The following MORN5 variants were observed in gnomAD, a reference collection of about 807,000 sequenced individuals.
The protein encoded by MORN5 is MORN repeat containing 5, also known as MORN repeat-containing protein 5.
MORN5 carries 21 observed loss-of-function variants against 22.1 expected under a neutral mutation model. The ratio of observed to expected loss-of-function variants is 0.95; its 90% CI spans 0.67 to 1.37. The LOEUF is 1.37. Ranked by LOEUF, MORN5 falls within the 40% of genes most tolerant of loss-of-function variation. The pLI is 0.00. For synonymous variants in MORN5, 73 were observed against 74.0 expected (o/e 0.99, Z 0.07); for missense variants, 211 against 215.1 (o/e 0.98, Z 0.12).
At chr9:122,192,837 G>A (rs1172439273) in intron 4 of MORN5, among the ~76,000 whole-genome samples, 1 of 152,228 alleles carries the variant, frequency 6.6e-6, no homozygotes, top group Non-Finnish European at 1.5e-5. Flanking sequence ...CACAAGCTCT[G>A]TTTGCCCAGG....
chr9:122,169,499 C>G, intron 2 of MORN5, 146 bp from the exon 3 acceptor site: 1 of 626,004 alleles, frequency 1.6e-6, no homozygotes, highest in Non-Finnish European at 2.9e-6. Context: ...CCCATTCCCT[C>G]TTGTCGTCAC....
At chr9:122,164,780 C>T (rs1036287638) in intron 1 of MORN5, 1 of 231,406 alleles carries the variant, frequency 4.3e-6, no homozygotes, top group Non-Finnish European at 7.1e-6. Flanking sequence ...CTCCCTTCCC[C>T]CCATGTCTTG....
rs182595383 is a variant in MORN5 at position 122,176,666 on chromosome 9, T to A, written c.439+2039T>A. ...ATGCCAAGACAGGCAGATCACAAGG[T>A]CAGGAGTTCGAGACCGCCTGGCCAA... On this transcript the variant is annotated intron_variant, in intron 4 of 4. Transcript: ENST00000373764. Among the ~76,000 whole-genome samples the A allele has an allele frequency of 1.2e-3, 180 of 152,102 alleles. 1 individual carries two copies. The highest frequency in any genetic ancestry group is 2.3e-3 in the Non-Finnish European group (153 of 67,990).
intron 4 of MORN5, among the ~76,000 whole-genome samples, chr9:122,187,104 G>C (rs1829653400): frequency 6.6e-6 from 1 of 152,226 alleles, no homozygotes; most frequent in Non-Finnish European, 1.5e-5. Context: ...ACATGCATGA[G>C]GTGAGATGAC....
chr9:122,189,225 T>C (rs2118779982), intron 4 of MORN5, among the ~76,000 whole-genome samples: 1 of 152,096 alleles, frequency 6.6e-6, no homozygotes, highest in Non-Finnish European at 1.5e-5. Flanking sequence ...ATGTATGTTT[T>C]GATCAGTGTC....
intron 1 of MORN5, among the ~76,000 whole-genome samples, chr9:122,163,088 T>G (rs978633952): frequency 2.0e-5 from 3 of 152,088 alleles, no homozygotes; most frequent in Non-Finnish European, 4.4e-5. Context: ...GACCTCAATA[T>G]TATGGTTTCT....
chr9:122,199,850 A>G lies in MORN5; in HGVS notation c.440-35A>G, dbSNP rs575876463. ...CAGGCCAGGAAAGGTCCCAGCGAGC[A>G]CCAAGCATGACCAGCTCTTCCTCTT... On this transcript the variant is annotated intron_variant, in intron 4 of 4. Transcript: ENST00000373764. 3.1e-5 allele frequency: 50 copies of G among 1,613,234 alleles called. No homozygotes were observed. In the South Asian group the frequency reaches 5.4e-4, roughly 17 times the overall value.
intron 4 of MORN5, among the ~76,000 whole-genome samples, chr9:122,193,704 T>C (rs1829824943): frequency 6.6e-6 from 1 of 152,262 alleles, no homozygotes; most frequent in South Asian, 2.1e-4. Flanking sequence ...GGAAAGTACC[T>C]TGGGTCTCTG....
intron 4 of MORN5, among the ~76,000 whole-genome samples, chr9:122,194,411 A>G (rs1829839942): frequency 1.3e-5 from 2 of 152,178 alleles, no homozygotes; most frequent in African/African-American, 4.8e-5. Flanking sequence ...AAACAAATAC[A>G]TATGCAGGGA....
intron 1 of MORN5, among the ~76,000 whole-genome samples, chr9:122,160,904 G>A (rs1050112547): frequency 6.6e-6 from 1 of 152,178 alleles, no homozygotes; most frequent in East Asian, 1.9e-4. Context: ...ATGTTGAGTG[G>A]CTACCGAGTA....
intron 4 of MORN5, among the ~76,000 whole-genome samples, chr9:122,187,068 C>T (rs1404519017): frequency 6.6e-6 from 1 of 152,232 alleles, no homozygotes; most frequent in Non-Finnish European, 1.5e-5. Context: ...GACCCCCCTT[C>T]CAGGGCTGGG....
At chr9:122,189,606 T>G (rs1312726104) in intron 4 of MORN5, among the ~76,000 whole-genome samples, 3 of 151,870 alleles carry the variant, frequency 2.0e-5, no homozygotes, top group Non-Finnish European at 4.4e-5. Flanking sequence ...TATAAAAATT[T>G]TTTTTCTTTT....
chr9:122,179,887 G>A (rs944767996), intron 4 of MORN5, among the ~76,000 whole-genome samples: 4 of 152,198 alleles, frequency 2.6e-5, no homozygotes, highest in African/African-American at 9.6e-5. Context: ...TCCTGAAGGC[G>A]CAGGCTGCTG....
At chr9:122,187,290 T>A (rs1829657759) in intron 4 of MORN5, among the ~76,000 whole-genome samples, 1 of 152,228 alleles carries the variant, frequency 6.6e-6, no homozygotes, top group African/African-American at 2.4e-5. Context: ...TCTGGCCTCC[T>A]CCCATCTGCT....
At chr9:122,172,974 C>T (rs1829387030) in intron 3 of MORN5, among the ~76,000 whole-genome samples, 1 of 152,314 alleles carries the variant, frequency 6.6e-6, no homozygotes, top group South Asian at 2.1e-4. Flanking sequence ...GCAAATCACT[C>T]CTCCCGAATT....
At chr9:122,196,750 A>G (rs1829901873) in intron 4 of MORN5, among the ~76,000 whole-genome samples, 1 of 152,196 alleles carries the variant, frequency 6.6e-6, no homozygotes, top group African/African-American at 2.4e-5. Context: ...TATTATTCAC[A>G]TTTCAATTTA....
At chr9:122,168,883 C>T (rs543743539) in intron 2 of MORN5, among the ~76,000 whole-genome samples, 24 of 152,198 alleles carry the variant, frequency 1.6e-4, no homozygotes, top group Admixed American at 1.6e-3. Flanking sequence ...TAAGAAGCCT[C>T]CCAATCTTCC....
At chr9:122,184,027 G>A (rs753418003) in intron 4 of MORN5, among the ~76,000 whole-genome samples, 6 of 152,276 alleles carry the variant, frequency 3.9e-5, no homozygotes, top group East Asian at 1.9e-4. Context: ...TATGTGACTC[G>A]GCTGCCACCA....
intron 1 of MORN5, 34 bp from the exon 2 acceptor site, chr9:122,166,734 C>T (rs750151592): frequency 1.3e-6 from 2 of 1,598,548 alleles, no homozygotes; most frequent in Admixed American, 3.4e-5. Flanking sequence ...CCAGCTGTCA[C>T]ACAGGGCTCA....
Sources: allele counts gnomAD v4.1 joint callset (sites outside exome capture counted in the v4.1 genomes callset), GRCh38; gene constraint gnomAD v4.1.1; transcripts MANE v1.5; gene names NCBI Gene and HGNC (gene_info 2026-07-23, HGNC 2026-07-21).